Variants in PTPRM observed in about 807,000 individuals in gnomAD.
The protein encoded by PTPRM is protein tyrosine phosphatase receptor type M.
Under a neutral mutation model 186.7 loss-of-function variants are expected in PTPRM, and 47 were observed. That is an observed-to-expected ratio of 0.25 (90% CI 0.20 to 0.32). The LOEUF (loss-of-function observed/expected upper bound fraction) is 0.32, where lower values mean the gene tolerates loss of function less well. Among genes scored for constraint, PTPRM ranks in the 10% least tolerant of loss-of-function variants. The pLI, the probability that PTPRM is intolerant of heterozygous loss-of-function variation, is 1.00. For synonymous variants in PTPRM, 668 were observed against 674.9 expected (o/e 0.99, Z 0.16); for missense variants, 1,494 against 1,865.0 (o/e 0.80, Z 3.66).
chr18:8,239,265 G>A (rs1601410610), intron 14 of PTPRM, among the ~76,000 whole-genome samples: 3 of 150,080 alleles, frequency 2.0e-5, no homozygotes, highest in East Asian at 2.0e-4. Context: ...TTGTTCTTGC[G>A]ATAGTTTACT....
At chr18:8,364,099 A>G (rs1236050551) in intron 23 of PTPRM, among the ~76,000 whole-genome samples, 1 of 152,230 alleles carries the variant, frequency 6.6e-6, no homozygotes, top group Non-Finnish European at 1.5e-5. Flanking sequence ...ATGTAGTGCC[A>G]GTTTTGAAAT....
chr18:8,236,513 A>T (rs565189038), intron 14 of PTPRM, among the ~76,000 whole-genome samples: 4 of 152,100 alleles, frequency 2.6e-5, no homozygotes, highest in Admixed American at 2.6e-4. Flanking sequence ...GTGTGTTTTA[A>T]TCTGATAATC....
chr18:7,818,029 T>C (rs1481457155), intron 2 of PTPRM, among the ~76,000 whole-genome samples: 1 of 152,194 alleles, frequency 6.6e-6, no homozygotes, highest in Non-Finnish European at 1.5e-5. Flanking sequence ...CAGGGCAGCC[T>C]AGGGATTTTG....
At chr18:8,099,153 C>G (rs768534343) in intron 11 of PTPRM, among the ~76,000 whole-genome samples, 2 of 151,552 alleles carry the variant, frequency 1.3e-5, no homozygotes, top group African/African-American at 2.4e-5. Flanking sequence ...CTCTCTCTCT[C>G]TCTCTTTCTC....
intron 32 of PTPRM, among the ~76,000 whole-genome samples, chr18:8,402,581 T>C (rs2095877863): frequency 6.6e-6 from 1 of 152,202 alleles, no homozygotes; most frequent in African/African-American, 2.4e-5. Flanking sequence ...AAATCTTTTT[T>C]ATGCAGTAAG....
intron 7 of PTPRM, among the ~76,000 whole-genome samples, chr18:8,041,702 C>G (rs2086702317): frequency 6.6e-6 from 1 of 152,176 alleles, no homozygotes; most frequent in Non-Finnish European, 1.5e-5. Context: ...CTTAGTTACT[C>G]TTTGTTGACT....
chr18:8,341,205 C>T (rs1490356765), intron 22 of PTPRM, among the ~76,000 whole-genome samples: 2 of 152,088 alleles, frequency 1.3e-5, no homozygotes, highest in Admixed American at 6.5e-5. Context: ...AAATGTAAGT[C>T]GAGAAAGGGA....
At chr18:7,844,637 C>G (rs962774659) in intron 2 of PTPRM, among the ~76,000 whole-genome samples, 2 of 152,286 alleles carry the variant, frequency 1.3e-5, no homozygotes, top group African/African-American at 4.8e-5. Context: ...GGTCTCAGTC[C>G]TACTGCCTAG....
At chr18:8,203,234 G>A (rs2093882345) in intron 14 of PTPRM, among the ~76,000 whole-genome samples, 1 of 152,182 alleles carries the variant, frequency 6.6e-6, no homozygotes, top group African/African-American at 2.4e-5. Context: ...AACTGGTATT[G>A]TATACATTAA....
At chr18:8,347,101 G>C (rs1445145313) in intron 23 of PTPRM, among the ~76,000 whole-genome samples, 2 of 152,272 alleles carry the variant, frequency 1.3e-5, no homozygotes, top group Admixed American at 6.5e-5. Flanking sequence ...GGGAGAAAGA[G>C]GTACCTGGAG....
intron 2 of PTPRM, among the ~76,000 whole-genome samples, chr18:7,821,087 A>G (rs1182989386): frequency 4.6e-5 from 7 of 152,054 alleles, no homozygotes; most frequent in African/African-American, 1.4e-4. Context: ...ATTCCCTCCT[A>G]GGAATGGTCT....
rs190271982 is a variant in PTPRM at position 7,706,424 on chromosome 18, C to T, written c.74-67725C>T. The stretch of plus-strand genomic sequence containing the variant: ...CCAGCCTGGACAGCATAGGGAGACC[C>T]TACTTCTACAAAAAAATAAAAAAAA... On this transcript the variant is annotated intron_variant, in intron 1 of 32. Transcript: ENST00000580170. Among the ~76,000 whole-genome samples the T allele has an allele frequency of 3.3e-3, 500 of 151,416 alleles. 2 individuals carry two copies. The highest frequency in any genetic ancestry group is 6.8e-3 in the Middle Eastern group (2 of 292).
chr18:7,966,794 C>T (rs1472574983), intron 7 of PTPRM, among the ~76,000 whole-genome samples: 27 of 133,974 alleles, frequency 2.0e-4, no homozygotes, highest in African/African-American at 6.6e-4. Context: ...ACACCTGGCT[C>T]GGAGGGTCCT....
chr18:7,595,251 C>G (rs906137643), intron 1 of PTPRM, among the ~76,000 whole-genome samples: 3 of 152,156 alleles, frequency 2.0e-5, no homozygotes, highest in Non-Finnish European at 4.4e-5. Flanking sequence ...TATTTTGGAA[C>G]AGGTATTGTG....
rs1018119280 is a variant in PTPRM at position 8,376,570 on chromosome 18, A to G, written c.3435A>G (p.Ser1145=). The G allele has an allele frequency of 2.0e-5, 32 of 1,613,658 alleles. No individual in the cohort carries two copies. Among genetic ancestry groups the G allele is most frequent in the Non-Finnish European group, 2.6e-5 (31 of 1,179,972 alleles). ...ACAACTGCGTCAGGGAGCTGCGGTC[A>G]CGGAGGGTGAACATGGTGCAAACAG... The part of the protein sequence containing the change: ...DIYNCVRELR[S]RRVNMVQTEE... Residue 1145 remains serine (S), a synonymous_variant, in exon 26 of 33, where the codon TCA becomes TCG. Transcript: ENST00000580170.
chr18:8,187,833 T>C (rs1369115515), intron 14 of PTPRM, among the ~76,000 whole-genome samples: 2 of 152,220 alleles, frequency 1.3e-5, no homozygotes, highest in African/African-American at 4.8e-5. Context: ...ACATGTTTTT[T>C]AGGAATTGCT....
chr18:8,253,383 C>A lies in PTPRM; in HGVS notation c.2723C>A (p.Ala908Glu). 1 of 1,552,338 alleles carries A rather than the reference C, an allele frequency of 6.4e-7. No homozygotes were observed. Among genetic ancestry groups the A allele is most frequent in the Non-Finnish European group, 8.7e-7 (1 of 1,149,974 alleles). The change falls in exon 19 of 33, where the codon GCG (alanine) becomes GAG (glutamate). Residue 908 changes from alanine (A) to glutamate (E), a missense_variant. By Grantham distance (107) the Ala-to-Glu change is moderately radical (BLOSUM62 -1). Transcript: ENST00000580170. Reference sequence around the variant, plus strand: ...CAGCACATCACACAGATGAAGTGTGCGGAGGGCTACGGCTTCAAGGAGGAA... The same window carrying A: ...CAGCACATCACACAGATGAAGTGTGAGGAGGGCTACGGCTTCAAGGAGGAA... ...LLQHITQMKC[A>E]EGYGFKEEYE...
At chr18:7,690,092 A>C (rs2039700734) in intron 1 of PTPRM, among the ~76,000 whole-genome samples, 1 of 152,230 alleles carries the variant, frequency 6.6e-6, no homozygotes, top group Admixed American at 6.5e-5. Flanking sequence ...CAGCTACAGA[A>C]ATCAATCTCA....
chr18:7,846,547 G>A (rs73941013), intron 2 of PTPRM, among the ~76,000 whole-genome samples: 14,074 of 152,256 alleles, frequency 0.092, 778 homozygotes, highest in South Asian at 0.23. Context: ...CCTCTCCCGT[G>A]CTTCTGTAGC....
Sources: allele counts gnomAD v4.1 joint callset (sites outside exome capture counted in the v4.1 genomes callset), GRCh38; gene constraint gnomAD v4.1.1; transcripts MANE v1.5; gene names NCBI Gene and HGNC (gene_info 2026-07-23, HGNC 2026-07-21).